Variants in ZNF823 observed in about 807,000 individuals in gnomAD.
The protein encoded by ZNF823 is ZFP 36 for a zinc finger protein.
ZNF823 carries 5 observed loss-of-function variants against 11.4 expected under a neutral mutation model. The observed-to-expected ratio is 0.44, with a 90% CI of 0.23 to 0.92. The LOEUF is 0.92. ZNF823 is among the 40% of genes least tolerant of loss of function. The pLI is 0.24. For missense variants in ZNF823, 582 were observed against 738.5 expected, an observed-to-expected ratio of 0.79 and a Z score of 2.46; for synonymous variants, 234 against 250.5, an observed-to-expected ratio of 0.93 and a Z score of 0.62.
At position 11,738,942 on chromosome 19, in the gene ZNF823, C is replaced by T; in HGVS notation, c.-123G>A. The T allele has an allele frequency of 7.6e-7, 1 of 1,308,570 alleles. No homozygotes were observed. Among genetic ancestry groups the T allele is most frequent in the Non-Finnish European group, 1.0e-6 (1 of 971,126 alleles). The allele number at this position is 1,308,570 out of a possible 1,614,324, so 81.1% of individuals were successfully genotyped here. ...AGCGCCAGAGCCAGGACTCAGAGCG[C>T]AGGGGCGTGGAGAAGACTCCGCGGG... On this transcript the variant is annotated 5_prime_UTR_variant, in exon 1 of 4. Transcript: ENST00000341191.
At chr19:11,734,308 C>T (rs1974954389) in intron 1 of ZNF823, among the ~76,000 whole-genome samples, 1 of 151,880 alleles carries the variant, frequency 6.6e-6, no homozygotes, top group South Asian at 2.1e-4. Flanking sequence ...CCTGTGTGTT[C>T]TGAACAAACA....
chr19:11,738,066 G>C (rs1390956412), intron 1 of ZNF823, among the ~76,000 whole-genome samples: 2 of 152,206 alleles, frequency 1.3e-5, no homozygotes, highest in African/African-American at 4.8e-5. Context: ...CAGGCTGGAG[G>C]CGAGATTGCA....
chr19:11,734,251 AAAAG>A (rs1344062803), intron 1 of ZNF823, among the ~76,000 whole-genome samples: 4 of 151,870 alleles, frequency 2.6e-5, no homozygotes, highest in South Asian at 2.1e-4. Flanking sequence ...AAAAAAAAAA[AAAAG>A]AAAGAAAGAA....
chr19:11,726,824 C>A (rs914046743), intron 1 of ZNF823, among the ~76,000 whole-genome samples: 4 of 152,204 alleles, frequency 2.6e-5, no homozygotes, highest in African/African-American at 9.7e-5. Flanking sequence ...ACACTCTGGA[C>A]ACTGGATCAC....
intron 1 of ZNF823, among the ~76,000 whole-genome samples, chr19:11,726,598 A>G (rs1354396077): frequency 6.6e-6 from 1 of 152,066 alleles, no homozygotes; most frequent in Non-Finnish European, 1.5e-5. Flanking sequence ...ACCTGAATTA[A>G]CACTGGGCCC....
At chr19:11,732,710 G>T (rs1311906033) in intron 1 of ZNF823, among the ~76,000 whole-genome samples, 1 of 152,146 alleles carries the variant, frequency 6.6e-6, no homozygotes, top group African/African-American at 2.4e-5. Context: ...TGGGATTACA[G>T]GCGGGAGCCA....
At chr19:11,730,179 C>T (rs1462360865) in intron 1 of ZNF823, among the ~76,000 whole-genome samples, 4 of 152,048 alleles carry the variant, frequency 2.6e-5, no homozygotes, top group East Asian at 3.9e-4. Flanking sequence ...CCGCCTGCCT[C>T]GGCCTCCCAA....
intron 1 of ZNF823, among the ~76,000 whole-genome samples, chr19:11,738,261 C>A (rs548600784): frequency 6.6e-6 from 1 of 152,310 alleles, no homozygotes; most frequent in East Asian, 1.9e-4. Context: ...AGGCTGGCGC[C>A]AACCAGGCTG....
intron 1 of ZNF823, among the ~76,000 whole-genome samples, chr19:11,732,141 G>A (rs1298478727): frequency 6.6e-6 from 1 of 151,368 alleles, no homozygotes; most frequent in Non-Finnish European, 1.5e-5. Context: ...TTCAGCAAGG[G>A]AAAGGGCAGG....
chr19:11,725,805 A>C (rs1466401159), intron 1 of ZNF823, among the ~76,000 whole-genome samples: 1 of 152,082 alleles, frequency 6.6e-6, no homozygotes, highest in African/African-American at 2.4e-5. Flanking sequence ...GTTTATGCAA[A>C]ATATAGGGGC....
chr19:11,729,174 C>CA (rs61651737), intron 1 of ZNF823, among the ~76,000 whole-genome samples: 5,121 of 131,104 alleles, frequency 0.039, 190 homozygotes, highest in African/African-American at 0.096. Flanking sequence ...GACTCTGTCT[C>CA]AAAAAAAAAA....
intron 1 of ZNF823, among the ~76,000 whole-genome samples, chr19:11,732,170 T>C (rs1320621525): frequency 2.8e-5 from 2 of 71,716 alleles, no homozygotes; most frequent in African/African-American, 3.9e-5. Flanking sequence ...AAGGTTTCCC[T>C]TTTTTTTTTT....
At chr19:11,736,226 C>G (rs891525188) in intron 1 of ZNF823, among the ~76,000 whole-genome samples, 1 of 152,160 alleles carries the variant, frequency 6.6e-6, no homozygotes, top group African/African-American at 2.4e-5. Flanking sequence ...AATAAAAAAA[C>G]AGACCTGAGG....
At chr19:11,735,273 TCAAAAAA>T (rs1388859988) in intron 1 of ZNF823, among the ~76,000 whole-genome samples, 1 of 87,808 alleles carries the variant, frequency 1.1e-5, no homozygotes, top group African/African-American at 6.8e-5. Flanking sequence ...AGACTCCATT[TCAAAAAA>T]CAAAAAAAAA....
chr19:11,732,652 C>T (rs984214123), intron 1 of ZNF823, among the ~76,000 whole-genome samples: 16 of 151,674 alleles, frequency 1.1e-4, no homozygotes, highest in Non-Finnish European at 8.8e-5. Context: ...CCAGGATGGT[C>T]TCGATCTCCT....
At chr19:11,736,115 C>T (rs886753272) in intron 1 of ZNF823, among the ~76,000 whole-genome samples, 2 of 151,760 alleles carry the variant, frequency 1.3e-5, no homozygotes, top group African/African-American at 4.9e-5. Context: ...ATCCACCACA[C>T]TTTCTTGCAA....
intron 1 of ZNF823, among the ~76,000 whole-genome samples, chr19:11,729,902 T>C (rs994951701): frequency 2.0e-5 from 3 of 151,966 alleles, no homozygotes; most frequent in Non-Finnish European, 4.4e-5. Flanking sequence ...CCAGGGCTTA[T>C]ATCTTGTCCC....
In ZNF823 at chr19:11,722,207, G is replaced by C. The variant is rs1555765748; in HGVS notation, c.1327C>G (p.Pro443Ala). The C allele has an allele frequency of 1.4e-5, 23 of 1,613,974 alleles. No individual in the cohort carries two copies. In the Admixed American group the frequency reaches 1.5e-4, roughly 11 times the overall value. ...RHEATHTGVKPYKCQCGKAFS... is the reference protein window; with the variant it reads ...RHEATHTGVKAYKCQCGKAFS... ...GCTTTCCCACACTGACATTTATAGG[G>C]TTTCACTCCAGTGTGAGTTGCTTCA... The change falls in exon 4 of 4, where the codon CCC becomes GCC. Residue 443 changes from proline (P) to alanine (A), a missense_variant. Transcript: ENST00000341191. This position sits in a 1 kb window ranked among gnomAD's most constrained non-coding sequence, Gnocchi z 5.2.
rs1470766437 is a variant in ZNF823, at chr19:11,722,004, A to G, written c.1530T>C (p.His510=). The G allele has an allele frequency of 6.2e-7, 1 of 1,614,070 alleles. No homozygotes were observed. Among genetic ancestry groups the G allele is most frequent in the South Asian group, 1.1e-5 (1 of 91,082 alleles). ...TTTCATGGACTTTTAAGTTACTGAAATGACTGAAGGCTTTTCTACATGTTT... is the reference window on the plus strand; with the variant it reads ...TTTCATGGACTTTTAAGTTACTGAAGTGACTGAAGGCTTTTCTACATGTTT... ...ECKTCRKAFS[H]FSNLKVHERI... is the part of the protein sequence containing the mutation. Residue 510 remains histidine (H), a synonymous_variant, in exon 4 of 4, where the codon CAT becomes CAC. Transcript: ENST00000341191. The surrounding 1 kb of genome is among the most constrained non-coding windows in gnomAD (Gnocchi z 5.2).
Sources: gnomAD v4.1 joint callset for allele counts (sites outside exome capture counted in the v4.1 genomes callset) on GRCh38, gnomAD v4.1.1 for gene constraint, Gnocchi (gnomAD v3.1) non-coding constraint, MANE v1.5 for transcripts, NCBI Gene and HGNC (gene_info 2026-07-23, HGNC 2026-07-21) for gene names.